The following SAXO1 variants were observed in gnomAD, a reference collection of about 807,000 sequenced individuals.
The protein encoded by SAXO1 is stabilizer of axonemal microtubules 1.
Under a neutral mutation model 17.5 loss-of-function variants are expected in SAXO1, and 21 were observed. The ratio of observed to expected loss-of-function variants is 1.20; its 90% CI spans 0.85 to 1.72. The LOEUF (loss-of-function observed/expected upper bound fraction) is 1.72, where lower values mean the gene tolerates loss of function less well. Among genes scored for constraint, SAXO1 ranks in the 40% most tolerant of loss-of-function variants. SAXO1 has a pLI of 0.00. For synonymous variants in SAXO1, 274 were observed against 216.5 expected, an observed-to-expected ratio of 1.27 and a Z score of -2.33; for missense variants, 843 against 596.0, an observed-to-expected ratio of 1.41 and a Z score of -4.32.
chr9:18,975,699 A>G (rs1187431006), intron 1 of SAXO1, among the ~76,000 whole-genome samples: 1 of 152,200 alleles, frequency 6.6e-6, no homozygotes, highest in Admixed American at 6.5e-5. Flanking sequence ...TGTAAATGAG[A>G]CCATACAAAG....
At chr9:19,022,236 C>T (rs1219351881) in intron 1 of SAXO1, among the ~76,000 whole-genome samples, 1 of 152,216 alleles carries the variant, frequency 6.6e-6, no homozygotes, top group African/African-American at 2.4e-5. Context: ...TCAGAGAGAT[C>T]ACCAACCCAC....
chr9:19,042,936 C>A (rs1836112414), intron 1 of SAXO1, among the ~76,000 whole-genome samples: 1 of 152,172 alleles, frequency 6.6e-6, no homozygotes, highest in Non-Finnish European at 1.5e-5. Flanking sequence ...CTTTGTGAGG[C>A]CAAGGCGGGA....
chr9:19,008,472 T>C (rs1203324336), intron 1 of SAXO1, among the ~76,000 whole-genome samples: 1 of 152,154 alleles, frequency 6.6e-6, no homozygotes, highest in Non-Finnish European at 1.5e-5. Context: ...AATGGCAATT[T>C]CTGGAAGGAG....
rs186175959 is a variant in SAXO1 at position 18,928,448 on chromosome 9, G to T, written c.1029C>A (p.Asp343Glu). Residue 343 changes from aspartate to glutamate, a missense_variant, in exon 4 of 4, where the codon GAC becomes GAA. Asp to Glu is a conservative substitution (Grantham distance 45, BLOSUM62 2). Transcript: ENST00000380534. ...TGCGCATGCTGGACCACTGCTTGTA[G>T]TCATCCTTGGTGGTGGAAGAGCCTT... ...RFEGSSTTKD[D>E]YKQWSSMRTE... 20 of 1,610,352 alleles carry T rather than the reference G, an allele frequency of 1.2e-5. 2 individuals are homozygous for T. The highest frequency in any genetic ancestry group is 1.0e-4 in the Admixed American group (6 of 59,690).
At chr9:19,024,012 CTTTTTTTTTTTTTTT>C (rs71333077) in intron 1 of SAXO1, among the ~76,000 whole-genome samples, 4 of 38,116 alleles carry the variant, frequency 1.0e-4, no homozygotes, top group Admixed American at 4.2e-4. Flanking sequence ...CTCTTTAAGG[CTTTTTTTTTTTTTTT>C]TTTTTTTTTT....
chr9:18,956,071 G>C (rs1253923798), intron 1 of SAXO1, among the ~76,000 whole-genome samples: 1 of 149,820 alleles, frequency 6.7e-6, no homozygotes, highest in Non-Finnish European at 1.5e-5. Context: ...CTCCTAAGTA[G>C]CTGGGACTAC....
intron 1 of SAXO1, among the ~76,000 whole-genome samples, chr9:18,964,207 A>C (rs926345527): frequency 6.6e-6 from 1 of 152,204 alleles, no homozygotes; most frequent in Non-Finnish European, 1.5e-5. Flanking sequence ...ATTAACGTTC[A>C]TCAGGGATAT....
chr9:19,031,237 T>C (rs184456374), intron 1 of SAXO1, among the ~76,000 whole-genome samples: 1 of 152,300 alleles, frequency 6.6e-6, no homozygotes, highest in Admixed American at 6.5e-5. Context: ...CCTAGAACAA[T>C]GCAGGAGGAC....
intron 1 of SAXO1, among the ~76,000 whole-genome samples, chr9:18,952,457 T>C (rs1832071709): frequency 6.6e-6 from 1 of 152,232 alleles, no homozygotes; most frequent in African/African-American, 2.4e-5. Flanking sequence ...CAACCTTTTA[T>C]ATAAATATTA....
intron 1 of SAXO1, among the ~76,000 whole-genome samples, chr9:18,974,974 G>T (rs993652635): frequency 6.6e-6 from 1 of 152,114 alleles, no homozygotes; most frequent in African/African-American, 2.4e-5. Flanking sequence ...GGAGAAATCT[G>T]GCAGACTCTC....
intron 1 of SAXO1, among the ~76,000 whole-genome samples, chr9:18,986,803 A>T (rs1833613037): frequency 6.6e-6 from 1 of 152,214 alleles, no homozygotes. Context: ...TTCACTTCAA[A>T]GACATTGTTA....
At chr9:19,011,788 C>G (rs543012280) in intron 1 of SAXO1, among the ~76,000 whole-genome samples, 7 of 151,964 alleles carry the variant, frequency 4.6e-5, no homozygotes, top group Non-Finnish European at 1.0e-4. Context: ...CCTCCCTCCT[C>G]TTCTTTCTCA....
At chr9:18,957,493 G>A (rs1488902948) in intron 1 of SAXO1, among the ~76,000 whole-genome samples, 1 of 152,088 alleles carries the variant, frequency 6.6e-6, no homozygotes, top group Non-Finnish European at 1.5e-5. Context: ...CAAACCCAAA[G>A]TTCAGACTCT....
rs796087806 is a variant in SAXO1, at chr9:18,997,900, A to C, written c.38+34971T>G. ...GGGCCTGTCTGTTAGAAGGAAAACC[A>C]ACAGAAAGGAATAGCATCAACATCA... On this transcript the variant is annotated intron_variant, in intron 1 of 3. Transcript: ENST00000380534. Among the ~76,000 whole-genome samples, 72 of 152,304 alleles carry C rather than the reference A, an allele frequency of 4.7e-4. 1 individual carries two copies. The highest frequency in any genetic ancestry group is 1.6e-3 in the African/African-American group (68 of 41,560).
chr9:18,938,962 G>T (rs1221981977), intron 3 of SAXO1, among the ~76,000 whole-genome samples: 1 of 151,792 alleles, frequency 6.6e-6, no homozygotes, highest in Non-Finnish European at 1.5e-5. Flanking sequence ...CCCAAGACAA[G>T]CAAGGAGCAT....
intron 1 of SAXO1, among the ~76,000 whole-genome samples, chr9:19,023,762 G>A (rs1271408767): frequency 6.6e-6 from 1 of 151,544 alleles, no homozygotes; most frequent in African/African-American, 2.4e-5. Context: ...CAGATATTGG[G>A]CATTTCTGAA....
chr9:18,958,179 ATTGGGAGGCTGAGGTGGGTGAATCAT>A lies in SAXO1; in HGVS notation c.39-7268_39-7243del, dbSNP rs1832330410. 2.6e-5 allele frequency among the ~76,000 whole-genome samples: 4 copies of A among 152,124 alleles called. No individual in the cohort carries two copies. In the South Asian group the frequency reaches 8.3e-4, roughly 32 times the overall value. Reference sequence around the variant, plus strand: ...TGGCTCATTCCTGTAACCCCAGCACATTGGGAGGCTGAGGTGGGTGAATCATTTGAGGTCAGGGGTTCGAGACTAGC... The same window carrying A: ...TGGCTCATTCCTGTAACCCCAGCACATTGAGGTCAGGGGTTCGAGACTAGC... On this transcript the variant is annotated intron_variant, in intron 1 of 3. Coordinates refer to ENST00000380534, the MANE Select transcript of SAXO1 (RefSeq NM_153707.4).
At chr9:19,023,394 T>TTA (rs2131025707) in intron 1 of SAXO1, among the ~76,000 whole-genome samples, 1 of 152,282 alleles carries the variant, frequency 6.6e-6, no homozygotes, top group East Asian at 1.9e-4. Flanking sequence ...TTCTACTTGC[T>TTA]TAATACTGAT....
intron 1 of SAXO1, among the ~76,000 whole-genome samples, chr9:18,995,463 A>G (rs955762996): frequency 1.3e-5 from 2 of 152,206 alleles, no homozygotes; most frequent in Non-Finnish European, 2.9e-5. Flanking sequence ...CTGAAGTAGA[A>G]TTTGTGATTC....
Sources: gnomAD v4.1 joint callset for allele counts (sites outside exome capture counted in the v4.1 genomes callset) on GRCh38, gnomAD v4.1.1 for gene constraint, MANE v1.5 for transcripts, NCBI Gene and HGNC (gene_info 2026-07-23, HGNC 2026-07-21) for gene names.